ASMTL: variants seen among roughly 807,000 people sequenced by gnomAD.
The protein encoded by ASMTL is acetylserotonin O-methyltransferase like.
Under a neutral mutation model 60.3 loss-of-function variants are expected in ASMTL, and 57 were observed. That is an observed-to-expected ratio of 0.95 (90% CI 0.76 to 1.18). The LOEUF (loss-of-function observed/expected upper bound fraction) is 1.18, where lower values mean the gene tolerates loss of function less well. Ranked by LOEUF, ASMTL falls within the 50% of genes most tolerant of loss-of-function variation. ASMTL has a pLI of 0.00. For synonymous variants in ASMTL, 419 were observed against 373.0 expected (o/e 1.12, Z -1.42); for missense variants, 981 against 852.6 (o/e 1.15, Z -1.88).
intron 3 of ASMTL, among the ~76,000 whole-genome samples, chrX:1,438,616 G>C (rs1441541596): frequency 3.3e-5 from 5 of 152,188 alleles, no homozygotes; most frequent in African/African-American, 1.2e-4. Flanking sequence ...GGGTTCGAGC[G>C]ATTCCCCTGC....
chrX:1,412,755 C>G lies in ASMTL; in HGVS notation c.1622G>C (p.Arg541Thr). ...ACCTGGCTTGCAGCTCTCGGCGACC[C>G]TGCTGAGTAACTTGTGGACTTTGTC... ...PDDKVHKLLS[R>T]VAESCKPGAG... Residue 541 changes from arginine to threonine, a missense_variant, in exon 12 of 13, where the codon AGG (arginine) becomes ACG (threonine). Physicochemically the swap from Arg to Thr is moderately conservative, Grantham distance 71 (BLOSUM62 -1). Transcript: ENST00000381317. 2 of 1,613,734 alleles carry G rather than the reference C, an allele frequency of 1.2e-6. No homozygotes were observed. Among genetic ancestry groups the G allele is most frequent in the Non-Finnish European group, 1.7e-6 (2 of 1,179,784 alleles).
chrX:1,453,271 C>T (rs868287282), upstream of ASMTL, among the ~76,000 whole-genome samples: 3 of 151,264 alleles, frequency 2.0e-5, no homozygotes, highest in Non-Finnish European at 3.0e-5. Context: ...CCTCCTTGCC[C>T]TCTCCGCCAG....
intron 12 of ASMTL, among the ~76,000 whole-genome samples, chrX:1,405,990 GGATA>G (rs1230608945): frequency 7.9e-5 from 12 of 150,948 alleles, no homozygotes; most frequent in Admixed American, 2.6e-4. Flanking sequence ...ATGAATGGAT[GGATA>G]GATGGATGTA....
At chrX:1,416,962 G>A (rs1333392424) in intron 11 of ASMTL, among the ~76,000 whole-genome samples, 4 of 150,776 alleles carry the variant, frequency 2.7e-5, no homozygotes, top group African/African-American at 9.8e-5. Flanking sequence ...ACATTCTGAC[G>A]TACAGACACG....
At chrX:1,436,564 G>A (rs373543309) in intron 3 of ASMTL, among the ~76,000 whole-genome samples, 1 of 152,140 alleles carries the variant, frequency 6.6e-6, no homozygotes, top group Admixed American at 6.5e-5. Context: ...ATGTTGGCCA[G>A]GATGGTCTCG....
chrX:1,403,553 AG>A, intron 12 of ASMTL, 64 bp from the exon 13 acceptor site: 1 of 1,465,272 alleles, frequency 6.8e-7, no homozygotes. Context: ...AGCAGGACAC[AG>A]GGGACACAGC....
chrX:1,447,633 C>T (rs1239814977), intron 1 of ASMTL, among the ~76,000 whole-genome samples: 1 of 149,976 alleles, frequency 6.7e-6, no homozygotes, highest in East Asian at 2.0e-4. Flanking sequence ...ATAAGCACCA[C>T]CATCTTGGAG....
chrX:1,439,572 C>T (rs192416994), intron 2 of ASMTL, among the ~76,000 whole-genome samples: 2,884 of 152,208 alleles, frequency 0.019, 42 homozygotes, highest in South Asian at 0.041. Context: ...TAGGGCTGGG[C>T]GCGGTGGCTC....
intron 6 of ASMTL, among the ~76,000 whole-genome samples, chrX:1,429,908 G>A (rs1239743194): frequency 6.6e-6 from 1 of 152,082 alleles, no homozygotes; most frequent in African/African-American, 2.4e-5. Context: ...CTGTGTGTGT[G>A]GGGAGAAGAC....
chrX:1,421,107 G>C (rs111928088), intron 9 of ASMTL, among the ~76,000 whole-genome samples: 1 of 151,776 alleles, frequency 6.6e-6, no homozygotes, highest in Admixed American at 6.6e-5. Context: ...CTACAGGCAC[G>C]CGCCATCATC....
At position 1,407,244 on chromosome X, in the gene ASMTL, A is replaced by G. The variant is rs374767062; in HGVS notation, c.1646-3755T>C. Among the ~76,000 whole-genome samples, 63 of 148,558 alleles carry G rather than the reference A, an allele frequency of 4.2e-4. 1 individual carries two copies. The highest frequency in any genetic ancestry group is 1.5e-3 in the African/African-American group (60 of 39,158). On this transcript the variant is annotated intron_variant, in intron 12 of 12. Coordinates refer to ENST00000381317, the MANE Select transcript of ASMTL (RefSeq NM_004192.4). ...TGGTAGATGATGGGTAGGTAGGTAG[A>G]TGGATGGATGGATAGATGGATGCAT...
At chrX:1,424,163 T>A (rs2090548782) in intron 8 of ASMTL, among the ~76,000 whole-genome samples, 1 of 135,434 alleles carries the variant, frequency 7.4e-6, no homozygotes, top group Non-Finnish European at 1.6e-5. Flanking sequence ...CAATCACTCA[T>A]CCATCCATCC....
intron 1 of ASMTL, among the ~76,000 whole-genome samples, chrX:1,452,183 G>A (rs1460907975): frequency 7.1e-6 from 1 of 141,072 alleles, no homozygotes; most frequent in Admixed American, 7.1e-5. Flanking sequence ...ATTCCTGGGG[G>A]TCTCGGCTTA....
intron 12 of ASMTL, among the ~76,000 whole-genome samples, chrX:1,411,842 T>A (rs1333076722): frequency 7.6e-6 from 1 of 131,944 alleles, no homozygotes; most frequent in Admixed American, 8.6e-5. Flanking sequence ...AGATGGAGTC[T>A]CGCTCTGTTA....
intron 12 of ASMTL, among the ~76,000 whole-genome samples, chrX:1,406,408 A>G (rs1293057146): frequency 6.6e-6 from 1 of 151,574 alleles, no homozygotes; most frequent in Non-Finnish European, 1.5e-5. Flanking sequence ...GAATGGATGG[A>G]TAGATGGATG....
chrX:1,448,954 C>G (rs185331970), intron 1 of ASMTL, among the ~76,000 whole-genome samples: 8 of 152,300 alleles, frequency 5.3e-5, no homozygotes, highest in Admixed American at 5.2e-4. Context: ...AAACATCAGC[C>G]TAATGGCTAA....
Position 1,427,823 on chromosome X carries a change from C to T in ASMTL, c.808G>A (p.Ala270Thr). Residue 270 changes from alanine (A) to threonine (T), a missense_variant, in exon 7 of 13, where the codon GCA becomes ACA. Ala to Thr is a moderately conservative substitution (Grantham distance 58). Transcript: ENST00000381317. ...CGAGTCCTGTGACACTCAGCCTCTG[C>T]CGTGGCCTGTCCCGCCTCTCCCGCC... is the stretch of plus-strand genomic sequence containing the variant. ...AEAGEAGQAT[A>T]EAECHRTRET... 1 of 1,612,534 alleles carries T rather than the reference C, an allele frequency of 6.2e-7. No homozygotes were observed. Among genetic ancestry groups the T allele is most frequent in the Non-Finnish European group, 8.5e-7 (1 of 1,179,826 alleles).
At chrX:1,413,993 C>T (rs1487162157) in intron 11 of ASMTL, 2 of 151,974 alleles carry the variant, frequency 1.3e-5, no homozygotes, top group Admixed American at 1.3e-4. Context: ...GGAATGGGAC[C>T]TCATTTGGAT....
chrX:1,417,612 G>GACAC (rs780702844), intron 11 of ASMTL, among the ~76,000 whole-genome samples: 1 of 149,358 alleles, frequency 6.7e-6, no homozygotes, highest in Admixed American at 6.7e-5. Context: ...CACAGATGCA[G>GACAC]ACACACACAC....
Sources: gnomAD v4.1 joint callset for allele counts (sites outside exome capture counted in the v4.1 genomes callset) on GRCh38, gnomAD v4.1.1 for gene constraint, MANE v1.5 for transcripts, NCBI Gene and HGNC (gene_info 2026-07-23, HGNC 2026-07-21) for gene names.